The following ZNF407 variants were observed in gnomAD, a reference collection of about 807,000 sequenced individuals.
ZNF407 encodes the protein zinc finger protein 407.
ZNF407 carries 17 observed loss-of-function variants against 131.2 expected under a neutral mutation model. The observed-to-expected ratio is 0.13, with a 90% CI of 0.09 to 0.19. The LOEUF is 0.19. ZNF407 is among the 10% of genes least tolerant of loss of function. ZNF407 has a pLI of 1.00. For missense variants in ZNF407, 2,681 were observed against 2,830.6 expected, an observed-to-expected ratio of 0.95 and a Z score of 1.20; for synonymous variants, 1,156 against 1,062.0, an observed-to-expected ratio of 1.09 and a Z score of -1.72.
chr18:74,945,386 T>C (rs552636305), intron 8 of ZNF407, among the ~76,000 whole-genome samples: 1 of 152,308 alleles, frequency 6.6e-6, no homozygotes, highest in South Asian at 2.1e-4. Flanking sequence ...CTTCCAGCAA[T>C]CTGTGCTGGT....
chr18:74,663,235 C>T lies in ZNF407; in HGVS notation c.4802+22113C>T, dbSNP rs557470639. ...GGGAACGTCCATTTTAGATGCTTGT[C>T]CCCGGGTAGCTCTTATTTATGTGTA... On this transcript the variant is annotated intron_variant, in intron 3 of 8. Transcript: ENST00000299687. 1.1e-4 allele frequency among the ~76,000 whole-genome samples: 17 copies of T among 152,188 alleles called. No individual in the cohort carries two copies. In the South Asian group the frequency reaches 3.5e-3, roughly 32 times the overall value.
rs1330445732 is a variant in ZNF407, at chr18:75,032,626, C to T, written c.5429-30524C>T. On this transcript the variant is annotated intron_variant, in intron 8 of 8. Transcript: ENST00000299687. ...GAAAGCTTCATACGCATTTAGCATA[C>T]TGGGTGTCCTCGCCAGGAGGAGACA... 2.0e-5 allele frequency among the ~76,000 whole-genome samples: 3 copies of T among 152,190 alleles called. No individual in the cohort carries two copies. The East Asian group carries it at 5.8e-4, about 29-fold the overall frequency.
intron 4 of ZNF407, among the ~76,000 whole-genome samples, chr18:74,850,275 A>G (rs1360129044): frequency 6.6e-6 from 1 of 152,118 alleles, no homozygotes; most frequent in African/African-American, 2.4e-5. Context: ...ACTTGATTCC[A>G]TGGTTAATGG....
chr18:75,026,517 T>G (rs1249182416), intron 8 of ZNF407, among the ~76,000 whole-genome samples: 4 of 152,214 alleles, frequency 2.6e-5, no homozygotes, highest in Non-Finnish European at 5.9e-5. Flanking sequence ...TCAATAAAAT[T>G]TGTTATATGA....
At chr18:74,900,402 G>C (rs912005554) in intron 7 of ZNF407, among the ~76,000 whole-genome samples, 2 of 152,088 alleles carry the variant, frequency 1.3e-5, no homozygotes, top group Non-Finnish European at 2.9e-5. Flanking sequence ...AAACAGAAGC[G>C]ATGTCATGGT....
chr18:74,925,128 T>A (rs1971895835), intron 8 of ZNF407, among the ~76,000 whole-genome samples: 1 of 152,240 alleles, frequency 6.6e-6, no homozygotes, highest in Non-Finnish European at 1.5e-5. Flanking sequence ...CCTTTATTTT[T>A]CTACCCTCAT....
intron 4 of ZNF407, among the ~76,000 whole-genome samples, chr18:74,870,078 G>A (rs181728031): frequency 6.6e-6 from 1 of 152,266 alleles, no homozygotes; most frequent in East Asian, 1.9e-4. Context: ...TTTTCTTTTA[G>A]AATGAGTCAT....
At chr18:74,844,011 T>A (rs1970668552) in intron 4 of ZNF407, among the ~76,000 whole-genome samples, 1 of 152,194 alleles carries the variant, frequency 6.6e-6, no homozygotes, top group Non-Finnish European at 1.5e-5. Context: ...GATGAAAGTG[T>A]TGAATTTCAG....
chr18:74,707,222 A>G (rs1338204545), intron 3 of ZNF407, among the ~76,000 whole-genome samples: 1 of 152,182 alleles, frequency 6.6e-6, no homozygotes, highest in Non-Finnish European at 1.5e-5. Context: ...AAGTGCTGGG[A>G]TTACAGGAGT....
At chr18:75,029,457 A>G (rs1973211789) in intron 8 of ZNF407, among the ~76,000 whole-genome samples, 1 of 152,206 alleles carries the variant, frequency 6.6e-6, no homozygotes, top group South Asian at 2.1e-4. Context: ...AAGTGCTAGT[A>G]GCTGGTAGCT....
At chr18:74,866,035 A>C (rs1971005452) in intron 4 of ZNF407, among the ~76,000 whole-genome samples, 1 of 152,230 alleles carries the variant, frequency 6.6e-6, no homozygotes, top group East Asian at 1.9e-4. Context: ...TTTTATGTTA[A>C]TTCAATCTTT....
In ZNF407 at chr18:75,063,178, T is replaced by C; in HGVS notation, c.5457T>C (p.Arg1819=). The C allele has an allele frequency of 6.2e-7, 1 of 1,602,798 alleles. No individual in the cohort carries two copies. Among genetic ancestry groups the C allele is most frequent in the Non-Finnish European group, 8.5e-7 (1 of 1,174,580 alleles). ...AGIVSKSYEC[R]LKGQGATFVE... ...TTGTTTCCAAGTCGTACGAGTGCCG[T>C]CTAAAGGGACAAGGAGCCACCTTCG... is the stretch of plus-strand genomic sequence containing the variant. Residue 1819 remains arginine (R), a synonymous_variant, in exon 9 of 9, where the codon CGT becomes CGC. Coordinates refer to ENST00000299687, the MANE Select transcript of ZNF407 (RefSeq NM_017757.3). This position sits in a 1 kb window ranked among gnomAD's most constrained non-coding sequence, Gnocchi z 6.6.
chr18:74,943,155 A>G (rs1972119098), intron 8 of ZNF407, among the ~76,000 whole-genome samples: 1 of 152,106 alleles, frequency 6.6e-6, no homozygotes, highest in African/African-American at 2.4e-5. Context: ...TGACCTTGCT[A>G]TCCACCTGCC....
At chr18:74,768,843 C>A (rs1255264927) in intron 3 of ZNF407, among the ~76,000 whole-genome samples, 2 of 152,104 alleles carry the variant, frequency 1.3e-5, no homozygotes, top group African/African-American at 4.8e-5. Flanking sequence ...TAAATTTCAT[C>A]ACTATTTATT....
intron 3 of ZNF407, among the ~76,000 whole-genome samples, chr18:74,651,946 C>T (rs1985245144): frequency 6.6e-6 from 1 of 152,124 alleles, no homozygotes; most frequent in African/African-American, 2.4e-5. Context: ...TATAGCATTG[C>T]TGTGTCTATA....
At position 75,064,105 on chromosome 18, in the gene ZNF407, G is replaced by A. The variant is rs138221111; in HGVS notation, c.6384G>A (p.Ala2128=). Residue 2128 remains alanine, a synonymous_variant, in exon 9 of 9, where the codon GCG becomes GCA. Coordinates refer to ENST00000299687, the MANE Select transcript of ZNF407 (RefSeq NM_017757.3). ...GTGCCCAGATCATCATGCAGGAGGC[G>A]CAGGGCGAGCACATGGATCTGGTGG... ...GEGAQIIMQE[A]QGEHMDLVES... is the part of the protein sequence containing the mutation. The A allele has an allele frequency of 2.6e-3, 4,181 of 1,592,938 alleles. 99 individuals are homozygous for A. In the Admixed American group the frequency reaches 0.048, roughly 18 times the overall value.
intron 3 of ZNF407, among the ~76,000 whole-genome samples, chr18:74,648,698 A>T (rs1985086370): frequency 6.6e-6 from 1 of 152,246 alleles, no homozygotes; most frequent in South Asian, 2.1e-4. Flanking sequence ...TTAATGCAGC[A>T]TAGTTCCAAA....
At chr18:74,624,364 C>A (rs1409144993) in intron 1 of ZNF407, among the ~76,000 whole-genome samples, 1 of 152,110 alleles carries the variant, frequency 6.6e-6, no homozygotes, top group Non-Finnish European at 1.5e-5. Flanking sequence ...GTAACCTTTC[C>A]CAGTGAACTA....
intron 3 of ZNF407, among the ~76,000 whole-genome samples, chr18:74,777,226 T>C (rs1180457387): frequency 6.6e-6 from 1 of 152,216 alleles, no homozygotes; most frequent in Non-Finnish European, 1.5e-5. Context: ...ATAAGATTTT[T>C]TTTTTTAAAC....
Sources: gnomAD v4.1 joint callset for allele counts (sites outside exome capture counted in the v4.1 genomes callset) on GRCh38, gnomAD v4.1.1 for gene constraint, Gnocchi (gnomAD v3.1) non-coding constraint, MANE v1.5 for transcripts, NCBI Gene and HGNC (gene_info 2026-07-23, HGNC 2026-07-21) for gene names.